The following CNTNAP5 variants were observed in gnomAD, a reference collection of about 807,000 sequenced individuals.
CNTNAP5 encodes contactin-associated protein-like 5.
In CNTNAP5, 72 loss-of-function variants were observed where a neutral mutation model predicts 150.2. That is an observed-to-expected ratio of 0.48 (90% CI 0.40 to 0.58). CNTNAP5 has a LOEUF of 0.58. CNTNAP5 is among the 20% of genes least tolerant of loss of function. CNTNAP5 has a pLI of 0.00. For synonymous variants in CNTNAP5, 672 were observed against 619.8 expected, an observed-to-expected ratio of 1.08 and a Z score of -1.25; for missense variants, 1,636 against 1,626.2, an observed-to-expected ratio of 1.01 and a Z score of -0.10.
chr2:124,825,696 GTC>G (rs1039175747), intron 19 of CNTNAP5, among the ~76,000 whole-genome samples: 6 of 152,280 alleles, frequency 3.9e-5, no homozygotes, highest in African/African-American at 1.4e-4. Flanking sequence ...CTGATCAAAA[GTC>G]TCTTTTTATT....
chr2:124,542,908 T>C (rs1273742126), intron 10 of CNTNAP5, among the ~76,000 whole-genome samples: 1 of 152,204 alleles, frequency 6.6e-6, no homozygotes, highest in Non-Finnish European at 1.5e-5. Flanking sequence ...AACACGACTC[T>C]TGGTTTTGGG....
At chr2:124,461,860 C>CA (rs59177385) in intron 6 of CNTNAP5, among the ~76,000 whole-genome samples, 32,002 of 86,654 alleles carry the variant, frequency 0.37, 4,082 homozygotes, top group East Asian at 0.57. Flanking sequence ...GATTCCACCT[C>CA]AAAAAAAAAA....
chr2:124,730,819 T>G (rs1295989404), intron 13 of CNTNAP5, among the ~76,000 whole-genome samples: 1 of 152,106 alleles, frequency 6.6e-6, no homozygotes, highest in Non-Finnish European at 1.5e-5. Flanking sequence ...CCTTATTTTA[T>G]TTTTTGTTAT....
chr2:124,476,274 A>G (rs1239447872), intron 7 of CNTNAP5, among the ~76,000 whole-genome samples: 29 of 152,198 alleles, frequency 1.9e-4, no homozygotes, highest in Non-Finnish European at 1.3e-4. Flanking sequence ...AACATCATTT[A>G]AAGAATTCAA....
At chr2:124,827,794 A>G (rs2104677081) in intron 19 of CNTNAP5, among the ~76,000 whole-genome samples, 1 of 152,318 alleles carries the variant, frequency 6.6e-6, no homozygotes, top group South Asian at 2.1e-4. Context: ...ATTGTATGCC[A>G]TAATAGAGTA....
intron 19 of CNTNAP5, among the ~76,000 whole-genome samples, chr2:124,825,274 A>C (rs372367899): frequency 2.2e-4 from 33 of 152,334 alleles, no homozygotes; most frequent in East Asian, 1.7e-3. Context: ...GAAGAACAGT[A>C]ATTTACCTGT....
intron 1 of CNTNAP5, among the ~76,000 whole-genome samples, chr2:124,165,982 G>A (rs1684804536): frequency 6.6e-6 from 1 of 152,140 alleles, no homozygotes; most frequent in Non-Finnish European, 1.5e-5. Context: ...ATTCATCCTT[G>A]TTGCTTAATG....
At chr2:124,234,403 G>T (rs2104757094) in intron 2 of CNTNAP5, among the ~76,000 whole-genome samples, 1 of 152,314 alleles carries the variant, frequency 6.6e-6, no homozygotes, top group East Asian at 1.9e-4. Context: ...TAGCAACACG[G>T]CTACTAAGTA....
At chr2:124,240,798 A>G (rs1686866748) in intron 2 of CNTNAP5, among the ~76,000 whole-genome samples, 1 of 152,146 alleles carries the variant, frequency 6.6e-6, no homozygotes, top group South Asian at 2.1e-4. Flanking sequence ...ACAGAATAGG[A>G]TTGGCTTTAT....
At chr2:124,541,179 A>ATTTCTTTT (rs1695373419) in intron 10 of CNTNAP5, among the ~76,000 whole-genome samples, 1 of 83,082 alleles carries the variant, frequency 1.2e-5, no homozygotes, top group Admixed American at 1.5e-4. Context: ...CAAAATTCCG[A>ATTTCTTTT]TTTTTTTTTT....
intron 13 of CNTNAP5, among the ~76,000 whole-genome samples, chr2:124,652,298 G>T (rs570665542): frequency 1.2e-4 from 19 of 152,280 alleles, no homozygotes; most frequent in African/African-American, 4.6e-4. Context: ...CAGGGCTGGA[G>T]GCCCTTTGCT....
intron 7 of CNTNAP5, among the ~76,000 whole-genome samples, chr2:124,493,875 A>G (rs1694086644): frequency 6.6e-6 from 1 of 151,996 alleles, no homozygotes; most frequent in African/African-American, 2.4e-5. Context: ...AATTTAGTCT[A>G]GAAAAGCAGC....
intron 3 of CNTNAP5, among the ~76,000 whole-genome samples, chr2:124,406,998 C>T (rs982880480): frequency 1.3e-5 from 2 of 152,164 alleles, no homozygotes; most frequent in Non-Finnish European, 1.5e-5. Context: ...TAATAACCTC[C>T]AGTTCCGTCC....
intron 21 of CNTNAP5, among the ~76,000 whole-genome samples, chr2:124,891,445 G>T (rs1040823527): frequency 6.6e-6 from 1 of 152,064 alleles, no homozygotes; most frequent in African/African-American, 2.4e-5. Flanking sequence ...AGACCCCATC[G>T]CTCAGTGAAG....
intron 3 of CNTNAP5, among the ~76,000 whole-genome samples, chr2:124,417,023 C>T (rs770143372): frequency 2.0e-5 from 3 of 150,372 alleles, no homozygotes; most frequent in African/African-American, 4.9e-5. Context: ...CTGCAACCTC[C>T]GCCTCCTGGG....
chr2:124,373,154 A>G (rs1011261159), intron 3 of CNTNAP5, among the ~76,000 whole-genome samples: 6 of 152,166 alleles, frequency 3.9e-5, no homozygotes, highest in African/African-American at 1.2e-4. Context: ...CTCAGCAGGG[A>G]GAGGAACATT....
intron 3 of CNTNAP5, among the ~76,000 whole-genome samples, chr2:124,378,765 T>A (rs1315843258): frequency 2.6e-5 from 4 of 152,154 alleles, no homozygotes; most frequent in African/African-American, 9.7e-5. Context: ...TCTATTCTTG[T>A]TGGATGATGC....
At chr2:124,846,367 A>ATTGTCTC (rs1683047751) in intron 19 of CNTNAP5, among the ~76,000 whole-genome samples, 1 of 151,974 alleles carries the variant, frequency 6.6e-6, no homozygotes, top group Non-Finnish European at 1.5e-5. Flanking sequence ...GTTTGATTGG[A>ATTGTCTC]CTGCTGAGAC....
intron 6 of CNTNAP5, among the ~76,000 whole-genome samples, chr2:124,451,051 A>ATATATATATATAT (rs1553469334): frequency 1.5e-5 from 1 of 65,304 alleles, no homozygotes; most frequent in African/African-American, 7.2e-5. Context: ...AAAAAAAAAA[A>ATATATATATATAT]ATATATATAT....
Sources: gnomAD v4.1 joint callset for allele counts (sites outside exome capture counted in the v4.1 genomes callset) on GRCh38, gnomAD v4.1.1 for gene constraint, MANE v1.5 for transcripts, NCBI Gene and HGNC (gene_info 2026-07-23, HGNC 2026-07-21) for gene names.